TNNI3K: variants seen among roughly 807,000 people sequenced by gnomAD.
TNNI3K encodes serine/threonine-protein kinase TNNI3K.
In TNNI3K, 140 loss-of-function variants were observed where a neutral mutation model predicts 114.5. The observed-to-expected ratio is 1.22, with a 90% CI of 1.07 to 1.41. The LOEUF (loss-of-function observed/expected upper bound fraction) is 1.41, where lower values mean the gene tolerates loss of function less well. Among genes scored for constraint, TNNI3K ranks in the 40% most tolerant of loss-of-function variants. The pLI is 0.00. For missense variants in TNNI3K, 1,125 were observed against 1,007.6 expected (o/e 1.12, Z -1.58); for synonymous variants, 347 against 347.5 (o/e 1.00, Z 0.02).
Position 74,322,252 on chromosome 1 carries a change from T to C in TNNI3K, c.445-9198T>C, listed in dbSNP as rs529741669. On this transcript the variant is annotated intron_variant, in intron 5 of 24. Transcript: ENST00000326637. Reference sequence around the variant, plus strand: ...AATAAGAGCACAGTTCTGCCAAGGGTAACCAAAATAAACTAGCTATTACAA... The same window carrying C: ...AATAAGAGCACAGTTCTGCCAAGGGCAACCAAAATAAACTAGCTATTACAA... Among the ~76,000 whole-genome samples, 4 of 152,218 alleles carry C rather than the reference T, an allele frequency of 2.6e-5. No individual in the cohort carries two copies. In the South Asian group the frequency reaches 8.3e-4, roughly 32 times the overall value.
chr1:74,313,019 A>G (rs1026596241), intron 5 of TNNI3K, among the ~76,000 whole-genome samples: 3 of 152,192 alleles, frequency 2.0e-5, no homozygotes, highest in Non-Finnish European at 4.4e-5. Context: ...AAACAGCCTC[A>G]GTCACTTTTT....
intron 7 of TNNI3K, among the ~76,000 whole-genome samples, chr1:74,342,338 C>T (rs754119057): frequency 7.9e-5 from 12 of 152,104 alleles, no homozygotes. Context: ...GCTTTGCATA[C>T]TGTAGTATGG....
intron 21 of TNNI3K, among the ~76,000 whole-genome samples, chr1:74,484,413 C>T (rs746790970): frequency 6.6e-6 from 1 of 152,084 alleles, no homozygotes; most frequent in Non-Finnish European, 1.5e-5. Flanking sequence ...AGCACCTGCC[C>T]TTGTGAAGTG....
intron 17 of TNNI3K, chr1:74,372,126 G>C (rs1570537855): frequency 1.4e-5 from 2 of 146,280 alleles, no homozygotes. Flanking sequence ...CAGTTTTTAA[G>C]TTGTTTACAA....
At chr1:74,261,633 T>C (rs1188813664) in intron 4 of TNNI3K, among the ~76,000 whole-genome samples, 2 of 152,078 alleles carry the variant, frequency 1.3e-5, no homozygotes, top group African/African-American at 4.8e-5. Flanking sequence ...AAGATCTTAA[T>C]TGAGAAAGCT....
chr1:74,449,275 T>C (rs1195842648), intron 20 of TNNI3K, among the ~76,000 whole-genome samples: 2 of 151,708 alleles, frequency 1.3e-5, no homozygotes, highest in Non-Finnish European at 2.9e-5. Flanking sequence ...TATTCTCTGA[T>C]GGTAGTTTGT....
chr1:74,371,630 G>C (rs1217691182), intron 17 of TNNI3K: 1 of 151,716 alleles, frequency 6.6e-6, no homozygotes, highest in Non-Finnish European at 1.5e-5. Flanking sequence ...TTTCATTTTA[G>C]TATACAAAGT....
At chr1:74,471,389 C>T (rs1667925613) in intron 21 of TNNI3K, 2 of 400,530 alleles carry the variant, frequency 5.0e-6, no homozygotes, top group Non-Finnish European at 8.8e-6. Flanking sequence ...GGCAACAATA[C>T]CTGCTTGCAT....
At chr1:74,523,749 G>A (rs1489626426) in intron 23 of TNNI3K, among the ~76,000 whole-genome samples, 1 of 152,120 alleles carries the variant, frequency 6.6e-6, no homozygotes, top group Admixed American at 6.6e-5. Flanking sequence ...TTGGTCTTGG[G>A]GAAACAGTGC....
At chr1:74,482,150 T>A (rs931086420) in intron 21 of TNNI3K, among the ~76,000 whole-genome samples, 1 of 152,170 alleles carries the variant, frequency 6.6e-6, no homozygotes, top group Non-Finnish European at 1.5e-5. Context: ...GGAGGTTTGT[T>A]TTCATGGGTC....
chr1:74,501,317 A>G (rs1669612922), intron 23 of TNNI3K, among the ~76,000 whole-genome samples: 1 of 152,214 alleles, frequency 6.6e-6, no homozygotes, highest in Admixed American at 6.5e-5. Flanking sequence ...CCAGTTCTAG[A>G]AGTTGCATGT....
intron 21 of TNNI3K, chr1:74,480,270 TC>T: frequency 1.4e-6 from 1 of 717,528 alleles, no homozygotes; most frequent in South Asian, 1.5e-5. Context: ...TCAGACAGCC[TC>T]AGCACACTCT....
At chr1:74,312,401 A>G (rs956358334) in intron 5 of TNNI3K, among the ~76,000 whole-genome samples, 5 of 152,218 alleles carry the variant, frequency 3.3e-5, no homozygotes, top group African/African-American at 7.2e-5. Context: ...TACAGGGTTT[A>G]TCACAGAATA....
At chr1:74,402,665 C>G (rs1664424800) in intron 17 of TNNI3K, among the ~76,000 whole-genome samples, 1 of 152,176 alleles carries the variant, frequency 6.6e-6, no homozygotes, top group Non-Finnish European at 1.5e-5. Context: ...CACTTCTGAA[C>G]TATTCAGGTT....
chr1:74,401,171 T>G (rs1420639495), intron 17 of TNNI3K, among the ~76,000 whole-genome samples: 1 of 152,184 alleles, frequency 6.6e-6, no homozygotes, highest in Non-Finnish European at 1.5e-5. Flanking sequence ...CGTAGAAACA[T>G]AGATATCTTC....
intron 23 of TNNI3K, among the ~76,000 whole-genome samples, chr1:74,506,400 A>G (rs1291700832): frequency 1.3e-5 from 2 of 152,202 alleles, no homozygotes; most frequent in African/African-American, 4.8e-5. Context: ...CAGGGCCAAG[A>G]TTTGAGCCGA....
chr1:74,251,832 A>C (rs1654947817), intron 4 of TNNI3K, among the ~76,000 whole-genome samples: 1 of 152,156 alleles, frequency 6.6e-6, no homozygotes, highest in Non-Finnish European at 1.5e-5. Flanking sequence ...AAATACTCTA[A>C]AGTTTCATCT....
Position 74,478,860 on chromosome 1 carries a change from A to G in TNNI3K, c.2122-10329A>G, listed in dbSNP as rs144628243. Among the ~76,000 whole-genome samples the G allele has an allele frequency of 1.4e-3, 217 of 152,290 alleles. 2 individuals carry two copies. The highest frequency in any genetic ancestry group is 3.2e-4 in the Non-Finnish European group (22 of 68,030). On this transcript the variant is annotated intron_variant, in intron 21 of 24. Transcript: ENST00000326637. The stretch of plus-strand genomic sequence containing the variant: ...TGCTGCCCTATCACTTATGTCTTTT[A>G]TGGTAAATTATTTCTTAGCACATAC...
In TNNI3K at chr1:74,236,091, T is replaced by G; in HGVS notation, c.41-11T>G. The stretch of plus-strand genomic sequence containing the variant: ...AACTATGAATCAATCTCATTTGTTC[T>G]TCTTTACTAGATGAATGGAAGAAAA... On this transcript the variant is annotated splice_polypyrimidine_tract_variant and intron_variant, in intron 1 of 24. Coordinates refer to ENST00000326637, the MANE Select transcript of TNNI3K (RefSeq NM_015978.3). The G allele has an allele frequency of 6.2e-7, 1 of 1,600,268 alleles. No homozygotes were observed. Among genetic ancestry groups the G allele is most frequent in the Non-Finnish European group, 8.5e-7 (1 of 1,172,124 alleles).
Sources: allele counts gnomAD v4.1 joint callset (sites outside exome capture counted in the v4.1 genomes callset), GRCh38; gene constraint gnomAD v4.1.1; transcripts MANE v1.5; gene names NCBI Gene and HGNC (gene_info 2026-07-23, HGNC 2026-07-21).